Variants in CCDC186 observed in about 807,000 individuals in gnomAD.
CCDC186 encodes the protein coiled-coil domain-containing protein 186.
A neutral mutation model predicts 113.7 loss-of-function variants in CCDC186; 49 were observed. The observed-to-expected ratio is 0.43, with a 90% CI of 0.34 to 0.55. The LOEUF (loss-of-function observed/expected upper bound fraction) is 0.55. Ranked by LOEUF, CCDC186 falls within the 20% of genes least tolerant of loss-of-function variation. The pLI, the probability that CCDC186 is intolerant of heterozygous loss-of-function variation, is 0.02. For missense variants in CCDC186, 890 were observed against 1,011.1 expected (o/e 0.88, Z 1.62); for synonymous variants, 355 against 345.8 (o/e 1.03, Z -0.30).
At chr10:114,131,601 T>C (rs545543385) in intron 11 of CCDC186, among the ~76,000 whole-genome samples, 43 of 152,298 alleles carry the variant, frequency 2.8e-4, no homozygotes, top group African/African-American at 1.0e-3. Flanking sequence ...AAATCATTTT[T>C]ATGAGTAACT....
intron 4 of CCDC186, 29 bp downstream of exon 4, chr10:114,151,063 G>A (rs1049368441): frequency 6.2e-7 from 1 of 1,605,106 alleles, no homozygotes; most frequent in African/African-American, 1.3e-5. Flanking sequence ...AGAATATCAA[G>A]TTAATAATGA....
At chr10:114,130,784 A>T (rs1318605268) in intron 12 of CCDC186, 1 of 159,712 alleles carries the variant, frequency 6.3e-6, no homozygotes, top group Non-Finnish European at 1.4e-5. Flanking sequence ...ATGTTCTAAT[A>T]TATATAAAAG....
In CCDC186 at chr10:114,122,845, G is replaced by C. The variant is rs1040792371; in HGVS notation, c.*2298C>G. 1 of 152,128 alleles carries C rather than the reference G, an allele frequency of 6.6e-6. No homozygotes were observed. Among genetic ancestry groups the C allele is most frequent in the Non-Finnish European group, 1.5e-5 (1 of 68,012 alleles). The allele number at this position is 152,128 out of a possible 1,614,324, so 9.4% of individuals were successfully genotyped here. A position where few individuals can be genotyped will look rare whatever the true frequency, so the allele number is the denominator to read the frequency against. ...TTAAAAAATTTCCAGTTTCTAAAATGTATAAGGCAAAACAGGTAATAGAGT... is the reference window on the plus strand; with the variant it reads ...TTAAAAAATTTCCAGTTTCTAAAATCTATAAGGCAAAACAGGTAATAGAGT... On this transcript the variant is annotated 3_prime_UTR_variant, in exon 16 of 16. Transcript: ENST00000369287.
In CCDC186 at chr10:114,121,220, C is replaced by A. The variant is rs2030712003; in HGVS notation, c.*3923G>T. 6.6e-6 allele frequency: 1 copy of A among 151,726 alleles called. No homozygotes were observed. The highest frequency in any genetic ancestry group is 1.5e-5 in the Non-Finnish European group (1 of 67,946). 9.4% of individuals were successfully genotyped at this position (151,726 alleles called of 1,614,324 possible). On this transcript the variant is annotated 3_prime_UTR_variant, in exon 16 of 16. Coordinates refer to ENST00000369287, the MANE Select transcript of CCDC186 (RefSeq NM_018017.4). The stretch of plus-strand genomic sequence containing the variant: ...AAAAATTTCAGGTTTCTAGTGCCAC[C>A]AACTGGTGTTAATTAAAAATCAACA...
At chr10:114,164,305 A>G (rs757156970) in intron 1 of CCDC186, among the ~76,000 whole-genome samples, 38 of 150,798 alleles carry the variant, frequency 2.5e-4, no homozygotes, top group Non-Finnish European at 5.3e-4. Context: ...TATTTTTAGG[A>G]AGAGATAGGG....
intron 13 of CCDC186, 147 bp downstream of exon 13, chr10:114,129,744 G>A (rs1031656664): frequency 1.7e-5 from 10 of 575,412 alleles, no homozygotes; most frequent in East Asian, 7.0e-5. Flanking sequence ...TGGCCAGACT[G>A]GTCTTGAACT....
Position 114,141,712 on chromosome 10 carries a change from G to A in CCDC186, c.1221+2785C>T, listed in dbSNP as rs187381055. On this transcript the variant is annotated intron_variant, in intron 6 of 15. Coordinates refer to ENST00000369287, the MANE Select transcript of CCDC186 (RefSeq NM_018017.4). Reference sequence around the variant, plus strand: ...CAGTAGTCAGCTGAAGACTTGAAGGGAACTCACTGCACATTGTTGTATTTT... The same window carrying A: ...CAGTAGTCAGCTGAAGACTTGAAGGAAACTCACTGCACATTGTTGTATTTT... Among the ~76,000 whole-genome samples the A allele has an allele frequency of 7.9e-5, 12 of 152,200 alleles. No individual in the cohort carries two copies. The East Asian group carries it at 2.1e-3, about 27-fold the overall frequency.
chr10:114,127,617 G>A lies in CCDC186; in HGVS notation c.2237C>T (p.Ser746Phe). The A allele has an allele frequency of 6.2e-7, 1 of 1,613,962 alleles. No homozygotes were observed. Among genetic ancestry groups the A allele is most frequent in the Non-Finnish European group, 8.5e-7 (1 of 1,179,978 alleles). Residue 746 changes from serine to phenylalanine, a missense_variant, in exon 14 of 16, where the codon TCC (serine) becomes TTC (phenylalanine). By Grantham distance (155) the Ser-to-Phe change is radical. Transcript: ENST00000369287. ...TGGAAAGTTATCCACAGCTACTGAGGACCCAGTATTTTCTGGAGATCGATC... is the reference window on the plus strand; with the variant it reads ...TGGAAAGTTATCCACAGCTACTGAGAACCCAGTATTTTCTGGAGATCGATC... ...AEDRSPENTG[S>F]SVAVDNFPQV...
chr10:114,129,839 ATTTATT>A, intron 13 of CCDC186, 46 bp downstream of exon 13: 1 of 1,552,768 alleles, frequency 6.4e-7, no homozygotes, highest in Non-Finnish European at 8.9e-7. Context: ...CAAAAATGCT[ATTTATT>A]TTTATATCAA....
Position 114,123,711 on chromosome 10 carries a change from A to G in CCDC186, c.*1432T>C, listed in dbSNP as rs1000273737. The G allele has an allele frequency of 2.0e-5, 3 of 152,218 alleles. No individual in the cohort carries two copies. The highest frequency in any genetic ancestry group is 7.2e-5 in the African/African-American group (3 of 41,452). The allele number at this position is 152,218 out of a possible 1,614,324, so 9.4% of individuals were successfully genotyped here. A position where few individuals can be genotyped will look rare whatever the true frequency, so the allele number is the denominator to read the frequency against. On this transcript the variant is annotated 3_prime_UTR_variant, in exon 16 of 16. Coordinates refer to ENST00000369287, the MANE Select transcript of CCDC186 (RefSeq NM_018017.4). ...ATAATAAGGGGTGAGAAAAAATTCA[A>G]TGACAGAAATATTGATACTACGGCA...
intron 7 of CCDC186, among the ~76,000 whole-genome samples, chr10:114,136,798 A>C (rs1446932042): frequency 6.6e-6 from 1 of 152,218 alleles, no homozygotes; most frequent in Non-Finnish European, 1.5e-5. Context: ...GCAGATGTAG[A>C]ATATTGCACA....
At chr10:114,153,803 A>G (rs1438454128) in intron 3 of CCDC186, among the ~76,000 whole-genome samples, 1 of 150,790 alleles carries the variant, frequency 6.6e-6, no homozygotes, top group African/African-American at 2.4e-5. Context: ...AAAAAAAAAA[A>G]GAAGACAGGG....
intron 6 of CCDC186, among the ~76,000 whole-genome samples, chr10:114,139,156 A>G (rs564195336): frequency 3.8e-4 from 57 of 151,488 alleles, no homozygotes; most frequent in Admixed American, 2.2e-3. Flanking sequence ...ATAAGCCTCT[A>G]GTTAGGTTGG....
rs191281530 is a variant in CCDC186 at position 114,166,087 on chromosome 10, A to G, written c.-61-2758T>C. 2.5e-3 allele frequency among the ~76,000 whole-genome samples: 379 copies of G among 152,290 alleles called. 2 individuals carry two copies. Among genetic ancestry groups the G allele is most frequent in the Non-Finnish European group, 4.2e-3 (285 of 68,026 alleles). ...TTCTTAAAGGACTGCACTGCAGAGG[A>G]AAGTACAGAGGTTAGGAGTGTTTTA... is the stretch of plus-strand genomic sequence containing the variant. On this transcript the variant is annotated intron_variant, in intron 1 of 15. Transcript: ENST00000369287.
chr10:114,136,615 T>C (rs115947870), intron 7 of CCDC186, among the ~76,000 whole-genome samples: 146 of 152,366 alleles, frequency 9.6e-4, no homozygotes, highest in African/African-American at 3.3e-3. Context: ...AGTTATTAGG[T>C]TATTAACCTA....
intron 3 of CCDC186, among the ~76,000 whole-genome samples, chr10:114,153,440 T>C (rs2031913180): frequency 6.6e-6 from 1 of 151,918 alleles, no homozygotes; most frequent in South Asian, 2.1e-4. Flanking sequence ...AGGAGACACA[T>C]CTAAAGGAAT....
chr10:114,130,108 G>A (rs1389773454), intron 12 of CCDC186, 137 bp from the exon 13 acceptor site: 10 of 621,258 alleles, frequency 1.6e-5, no homozygotes, highest in Admixed American at 3.1e-5. Flanking sequence ...TTTAGGCAGA[G>A]GGCTATGTCA....
chr10:114,149,850 CAGGCAGGA>C (rs1199498275), intron 4 of CCDC186, among the ~76,000 whole-genome samples: 1 of 117,578 alleles, frequency 8.5e-6, no homozygotes. Flanking sequence ...GGCAGGCAGG[CAGGCAGGA>C]AGGCAGGCAG....
chr10:114,135,268 T>TA (rs1192721760), intron 9 of CCDC186, among the ~76,000 whole-genome samples: 1 of 152,132 alleles, frequency 6.6e-6, no homozygotes, highest in East Asian at 1.9e-4. Flanking sequence ...TTTTACTGAA[T>TA]CACCATCTCC....
Sources: gnomAD v4.1 joint callset for allele counts (sites outside exome capture counted in the v4.1 genomes callset) on GRCh38, gnomAD v4.1.1 for gene constraint, MANE v1.5 for transcripts, NCBI Gene and HGNC (gene_info 2026-07-23, HGNC 2026-07-21) for gene names.